The following CLEC2A variants were observed in gnomAD, a reference collection of about 807,000 sequenced individuals.
CLEC2A encodes keratinocyte-associated C-type lectin.
Under a neutral mutation model 18.6 loss-of-function variants are expected in CLEC2A, and 19 were observed. The ratio of observed to expected loss-of-function variants is 1.02; its 90% CI spans 0.71 to 1.50. The LOEUF is 1.50. Ranked by LOEUF, CLEC2A falls within the 40% of genes most tolerant of loss-of-function variation. The pLI, the probability that CLEC2A is intolerant of heterozygous loss-of-function variation, is 0.00. For synonymous variants in CLEC2A, 74 were observed against 64.0 expected (o/e 1.16, Z -0.75); for missense variants, 190 against 207.9 (o/e 0.91, Z 0.53).
chr12:9,906,017 T>C (rs992203939), intron 4 of CLEC2A, among the ~76,000 whole-genome samples: 24 of 66,908 alleles, frequency 3.6e-4, no homozygotes, highest in Admixed American at 9.7e-4. Flanking sequence ...AGCCCACTTA[T>C]TAGTTTTGTT....
chr12:9,912,738 C>G (rs1215067046), downstream of CLEC2A, among the ~76,000 whole-genome samples: 4 of 151,870 alleles, frequency 2.6e-5, no homozygotes, highest in Admixed American at 6.6e-5. Context: ...TCAGGTTCCA[C>G]ACAGGAAGAG....
the CLEC2A span, among the ~76,000 whole-genome samples, chr12:9,887,881 G>A: frequency 1.3e-5 from 2 of 151,064 alleles, no homozygotes; most frequent in Non-Finnish European, 3.0e-5. Flanking sequence ...GTGAAACCCC[G>A]TCCCTAATAA....
At chr12:9,882,630 A>T in the CLEC2A span, among the ~76,000 whole-genome samples, 49 of 152,162 alleles carry the variant, frequency 3.2e-4, no homozygotes, top group African/African-American at 1.2e-3. Context: ...ATACAAAAAA[A>T]ATTAGCTGGG....
Position 9,914,283 on chromosome 12 carries a change from T to C in CLEC2A, c.411-603A>G, listed in dbSNP as rs981369224. Among the ~76,000 whole-genome samples the C allele has an allele frequency of 7.9e-5, 12 of 152,150 alleles. No homozygotes were observed. In the South Asian group the frequency reaches 1.2e-3, roughly 16 times the overall value. On this transcript the variant is annotated intron_variant, in intron 4 of 4. Coordinates refer to ENST00000455827, the MANE Select transcript of CLEC2A (RefSeq NM_001130711.2). The stretch of plus-strand genomic sequence containing the variant: ...AATCAATATTGTGAAAATGGCCATA[T>C]TGCCCAAAGTAATTTAAAGATCCAA...
intron 1 of CLEC2A, 137 bp from the exon 2 acceptor site, chr12:9,926,480 T>C (rs958642440): frequency 1.6e-6 from 1 of 621,682 alleles, no homozygotes; most frequent in African/African-American, 1.9e-5. Context: ...TAACAAAGGA[T>C]AGCAAACCAT....
chr12:9,925,789 C>T (rs1192054189), intron 2 of CLEC2A, among the ~76,000 whole-genome samples: 4 of 152,290 alleles, frequency 2.6e-5, no homozygotes, highest in Non-Finnish European at 4.4e-5. Flanking sequence ...CCGAAAGTCA[C>T]CAGATCACCA....
chr12:9,900,039 G>C lies in CLEC2A; in HGVS notation c.411-1063C>G, dbSNP rs112585867. 8.2e-3 allele frequency among the ~76,000 whole-genome samples: 1,248 copies of C among 152,316 alleles called. 15 individuals carry two copies. Among genetic ancestry groups the C allele is most frequent in the African/African-American group, 0.029 (1,197 of 41,554 alleles). Reference sequence around the variant, plus strand: ...CCTCCAATAAGGGAGAGGAAAGAATGTCTTGTGACATACCCAGCTAACTGG... The same window carrying C: ...CCTCCAATAAGGGAGAGGAAAGAATCTCTTGTGACATACCCAGCTAACTGG... On this transcript the variant is annotated intron_variant, in intron 4 of 4. Transcript: ENST00000339766.
At chr12:9,906,661 A>G (rs1388397829) in intron 4 of CLEC2A, among the ~76,000 whole-genome samples, 3 of 152,202 alleles carry the variant, frequency 2.0e-5, no homozygotes, top group Admixed American at 6.5e-5. Context: ...CAGACCAATT[A>G]TTAGCCAATC....
At chr12:9,897,920 C>T (rs1275394160), downstream of CLEC2A, among the ~76,000 whole-genome samples, 1 of 152,160 alleles carries the variant, frequency 6.6e-6, no homozygotes. Flanking sequence ...GAAAATAGAC[C>T]AGGCACATGG....
At position 9,916,724 on chromosome 12, in the gene CLEC2A, G is replaced by T. The variant is rs753238164; in HGVS notation, c.386C>A (p.Thr129Lys). Residue 129 changes from threonine to lysine, a missense_variant, in exon 4 of 5, where the codon ACA (threonine) becomes AAA (lysine). Transcript: ENST00000455827. ...CCAACCATTGAATGTGGTGCCATTT[G>T]TCCATTTCCAAGAATCTCCTTGTTT... ...SRKQGDSWKW[T>K]NGTTFNGWFE... 25 of 1,549,236 alleles carry T rather than the reference G, an allele frequency of 1.6e-5. No homozygotes were observed. Among genetic ancestry groups the T allele is most frequent in the Non-Finnish European group, 2.2e-5 (25 of 1,144,760 alleles).
chr12:9,888,510 A>G, the CLEC2A span, among the ~76,000 whole-genome samples: 3 of 152,012 alleles, frequency 2.0e-5, no homozygotes, highest in Non-Finnish European at 2.9e-5. Context: ...TAAAAATAAT[A>G]AAAATTAAAA....
chr12:9,906,531 A>G (rs780751723), intron 4 of CLEC2A, among the ~76,000 whole-genome samples: 20 of 152,190 alleles, frequency 1.3e-4, no homozygotes, highest in Non-Finnish European at 2.9e-4. Flanking sequence ...CGTTCAGTCC[A>G]AATCTTCCCG....
chr12:9,916,467 TA>T (rs1863072620), intron 4 of CLEC2A, among the ~76,000 whole-genome samples: 1 of 151,884 alleles, frequency 6.6e-6, no homozygotes, highest in South Asian at 2.1e-4. Context: ...AAATAACAAA[TA>T]AAAATAAAAA....
At chr12:9,890,099 G>A in the CLEC2A span, among the ~76,000 whole-genome samples, 2 of 151,834 alleles carry the variant, frequency 1.3e-5, no homozygotes, top group South Asian at 4.2e-4. Flanking sequence ...CCTCAAACTA[G>A]ATTATATTAA....
chr12:9,913,828 T>C, intron 4 of CLEC2A, 148 bp from the exon 5 acceptor site: 2 of 551,678 alleles, frequency 3.6e-6, no homozygotes, highest in Non-Finnish European at 6.3e-6. Context: ...TGCATTAAAA[T>C]ATCTGGTATA....
At position 9,913,578 on chromosome 12, in the gene CLEC2A, T is replaced by C; in HGVS notation, c.513A>G (p.Lys171=). The C allele has an allele frequency of 6.5e-7, 1 of 1,546,476 alleles. No homozygotes were observed. Among genetic ancestry groups the C allele is most frequent in the Non-Finnish European group, 8.7e-7 (1 of 1,145,926 alleles). The stretch of plus-strand genomic sequence containing the variant: ...AGTTTTTTCTGCTCTATAAAAAATA[T>C]TTAGGTTTGCTGCAAATCCACTTGA... ...IDIKWICSKP[K]YFL is the part of the protein sequence containing the mutation. Residue 171 remains lysine (K), a synonymous_variant, in exon 5 of 5, where the codon AAA becomes AAG. Coordinates refer to ENST00000455827, the MANE Select transcript of CLEC2A (RefSeq NM_001130711.2).
chr12:9,913,083 T>C (rs140049920), downstream of CLEC2A: 856 of 157,930 alleles, frequency 5.4e-3, 1 homozygote, highest in South Asian at 9.7e-3. Context: ...TAATTTTCTT[T>C]CCTTTTTCTT....
chr12:9,920,608 T>A (rs1241626208), intron 3 of CLEC2A, among the ~76,000 whole-genome samples: 1 of 150,742 alleles, frequency 6.6e-6, no homozygotes, highest in Non-Finnish European at 1.5e-5. Flanking sequence ...GCGTGTACCC[T>A]GGATGTTTCA....
downstream of CLEC2A, among the ~76,000 whole-genome samples, chr12:9,897,106 C>T (rs555800062): frequency 2.7e-4 from 41 of 152,128 alleles, no homozygotes; most frequent in Non-Finnish European, 3.7e-4. Flanking sequence ...GTGATCCACC[C>T]GCCTCAGCCT....
Sources: allele counts gnomAD v4.1 joint callset (sites outside exome capture counted in the v4.1 genomes callset), GRCh38; gene constraint gnomAD v4.1.1; transcripts MANE v1.5; gene names NCBI Gene and HGNC (gene_info 2026-07-23, HGNC 2026-07-21).